Variants in NKIRAS1 observed in about 807,000 individuals in gnomAD.
The protein encoded by NKIRAS1 is NF-kappa-B inhibitor-interacting Ras-like protein 1.
In NKIRAS1, 16 loss-of-function variants were observed where a neutral mutation model predicts 19.8. The observed-to-expected ratio is 0.81, with a 90% confidence interval of 0.55 to 1.23. NKIRAS1 has a LOEUF of 1.23. Ranked by LOEUF, NKIRAS1 falls within the 50% of genes most tolerant of loss-of-function variation. The pLI, the probability that NKIRAS1 is intolerant of heterozygous loss-of-function variation, is 0.00. For synonymous variants in NKIRAS1, 88 were observed against 79.0 expected, an observed-to-expected ratio of 1.11 and a Z score of -0.61; for missense variants, 184 against 220.0, an observed-to-expected ratio of 0.84 and a Z score of 1.04.
intron 4 of NKIRAS1, among the ~76,000 whole-genome samples, chr3:23,895,632 G>C (rs1435405882): frequency 6.6e-6 from 1 of 152,078 alleles, no homozygotes; most frequent in South Asian, 2.1e-4. Context: ...AATATGGCTG[G>C]AGAAAAACAT....
At chr3:23,905,133 G>A (rs780129823) in intron 3 of NKIRAS1, among the ~76,000 whole-genome samples, 38 of 152,242 alleles carry the variant, frequency 2.5e-4, no homozygotes, top group Non-Finnish European at 5.0e-4. Flanking sequence ...CTGGCCTGAT[G>A]TGTCTTACAA....
chr3:23,926,279 T>C lies in NKIRAS1; in HGVS notation c.-139-14829A>G, dbSNP rs535022856. ...GTTGGCCAGGCTGGTCTCAAACGCC[T>C]GACCTTAGGTGATCCACCTGCCTTG... is the stretch of plus-strand genomic sequence containing the variant. On this transcript the variant is annotated intron_variant, in intron 1 of 4. Coordinates refer to the NKIRAS1 transcript ENST00000421515. The surrounding 1 kb of genome is among the most constrained non-coding windows in gnomAD (Gnocchi z 4.3). Among the ~76,000 whole-genome samples, 40 of 152,320 alleles carry C rather than the reference T, an allele frequency of 2.6e-4. No individual in the cohort carries two copies. Among genetic ancestry groups the C allele is most frequent in the African/African-American group, 9.1e-4 (38 of 41,574 alleles).
At position 23,902,781 on chromosome 3, in the gene NKIRAS1, T is replaced by G. The variant is rs1702646656; in HGVS notation, c.95-1732A>C. Among the ~76,000 whole-genome samples, 6 of 152,170 alleles carry G rather than the reference T, an allele frequency of 3.9e-5. No homozygotes were observed. The South Asian group carries it at 1.2e-3, about 32-fold the overall frequency. ...CAGGGGAAGGCTTAAGGGTGCAATC[T>G]CTGGGGAGTATAAAATAGAGGCTGT... On this transcript the variant is annotated intron_variant, in intron 3 of 4. Transcript: ENST00000425478.
rs1701598567 is a variant in NKIRAS1, at chr3:23,893,130, TC to T, written c.543del (p.Arg182GlyfsTer15). 1 of 1,585,404 alleles carries T rather than the reference TC, an allele frequency of 6.3e-7. No individual in the cohort carries two copies. Among genetic ancestry groups the T allele is most frequent in the Admixed American group, 1.9e-5 (1 of 53,202 alleles). ...GAATTAGAGTTCCCTTTGTTTTTCC[TC>T]CCAGGCAAAGGAAAGCTTGATTTGC... Reference protein sequence around the residue: ...PQSKSSFPLPGRKNKGNSNSE... With the variant: ...PQSKSSFPLPXRKNKGNSNSE... On this transcript the variant is annotated frameshift_variant, in exon 5 of 5. Coordinates refer to ENST00000425478, the MANE Select transcript of NKIRAS1 (RefSeq NM_020345.4). LOFTEE classifies it high-confidence loss of function.
chr3:23,930,462 C>A (rs35817067), intron 1 of NKIRAS1, among the ~76,000 whole-genome samples: 94,612 of 150,466 alleles, frequency 0.63, 29,823 homozygotes, highest in Middle Eastern at 0.72. Flanking sequence ...GATAAATAAG[C>A]CGCCAAAAAA....
At chr3:23,933,495 C>G (rs936374134) in intron 1 of NKIRAS1, among the ~76,000 whole-genome samples, 7 of 152,218 alleles carry the variant, frequency 4.6e-5, no homozygotes, top group African/African-American at 1.7e-4. Context: ...AATGCACAGA[C>G]AGCAAAGAAT....
At chr3:23,945,537 C>T in intron 1 of NKIRAS1, 1 of 1,133,850 alleles carries the variant, frequency 8.8e-7, no homozygotes, top group African/African-American at 1.7e-5. Flanking sequence ...GCTGCCCCCT[C>T]TGCGGGAAGC....
At chr3:23,925,102 G>A (rs907541466) in intron 1 of NKIRAS1, among the ~76,000 whole-genome samples, 150 of 152,312 alleles carry the variant, frequency 9.8e-4, no homozygotes, top group African/African-American at 3.5e-3. Flanking sequence ...GGGTGGGGAA[G>A]TGATATCTTC....
chr3:23,903,378 G>A (rs1457336665), intron 3 of NKIRAS1, among the ~76,000 whole-genome samples: 1 of 152,160 alleles, frequency 6.6e-6, no homozygotes, highest in Non-Finnish European at 1.5e-5. Flanking sequence ...GCCTCCCAAA[G>A]TGCTAGGATT....
At chr3:23,906,920 G>C (rs1703121274) in intron 3 of NKIRAS1, among the ~76,000 whole-genome samples, 1 of 151,726 alleles carries the variant, frequency 6.6e-6, no homozygotes, top group Admixed American at 6.6e-5. Context: ...TTTTGATACA[G>C]TCTCGCTCTG....
At chr3:23,946,552 T>C (rs1313727977) in exon 1 of NKIRAS1, 3 of 152,422 alleles carry the variant, frequency 2.0e-5, no homozygotes, top group Non-Finnish European at 4.4e-5. Context: ...ACACACACAG[T>C]CTTAAAAACT....
intron 1 of NKIRAS1, among the ~76,000 whole-genome samples, chr3:23,945,846 G>A (rs1169917532): frequency 6.6e-6 from 1 of 150,756 alleles, no homozygotes; most frequent in Non-Finnish European, 1.5e-5. Context: ...ACATGGCCCG[G>A]CCGCGCGAGC....
chr3:23,909,864 GT>G (rs201671440), intron 3 of NKIRAS1, among the ~76,000 whole-genome samples: 45,705 of 135,170 alleles, frequency 0.34, 6,725 homozygotes, highest in Middle Eastern at 0.5. Flanking sequence ...GTTTTTTTTT[GT>G]TTTTTTTTTT....
rs1234421814 is a variant in NKIRAS1 at position 23,890,475 on chromosome 3, T to C, written c.*2620A>G. The C allele has an allele frequency of 1.9e-6, 3 of 1,594,884 alleles. No homozygotes were observed. Among genetic ancestry groups the C allele is most frequent in the East Asian group, 2.3e-5 (1 of 44,104 alleles). On this transcript the variant is annotated 3_prime_UTR_variant, in exon 5 of 5. Coordinates refer to ENST00000425478, the MANE Select transcript of NKIRAS1 (RefSeq NM_020345.4). ...GCTAAAGTTTAAAATGTTCTTTTCC[T>C]TTCTCCAAAGTAATCTACATTCTTT... is the stretch of plus-strand genomic sequence containing the variant.
chr3:23,890,394 G>C lies in NKIRAS1; in HGVS notation c.*2701C>G. On this transcript the variant is annotated 3_prime_UTR_variant, in exon 5 of 5. Transcript: ENST00000425478. The stretch of plus-strand genomic sequence containing the variant: ...CAGCATGGTGGAGTGGTGTTTCGAA[G>C]ATGGGTTTGATCACACATACTTTGT... The C allele has an allele frequency of 3.4e-6, 3 of 872,978 alleles. No individual in the cohort carries two copies. The highest frequency in any genetic ancestry group is 5.1e-6 in the Non-Finnish European group (3 of 586,096). The allele number at this position is 872,978 out of a possible 1,614,324, so 54.1% of individuals were successfully genotyped here. A position where few individuals can be genotyped will look rare whatever the true frequency, so the allele number is the denominator to read the frequency against.
intron 4 of NKIRAS1, among the ~76,000 whole-genome samples, chr3:23,895,151 C>T (rs764286044): frequency 3.3e-5 from 5 of 152,074 alleles, no homozygotes; most frequent in Non-Finnish European, 7.4e-5. Context: ...CTCAAGCGAT[C>T]GTGATCCTCC....
chr3:23,940,585 G>C (rs1335234277), intron 1 of NKIRAS1, among the ~76,000 whole-genome samples: 2 of 152,084 alleles, frequency 1.3e-5, no homozygotes, highest in African/African-American at 4.8e-5. Flanking sequence ...ATGCACAGAT[G>C]TAATAGTGGA....
upstream of NKIRAS1, chr3:23,920,793 A>G (rs939804242): frequency 5.2e-6 from 5 of 961,098 alleles, no homozygotes; most frequent in Non-Finnish European, 6.2e-6. Flanking sequence ...CATACATTTT[A>G]ATTGTGTAGA....
intron 3 of NKIRAS1, among the ~76,000 whole-genome samples, chr3:23,908,875 G>C (rs1054927315): frequency 1.6e-5 from 2 of 126,132 alleles, no homozygotes; most frequent in African/African-American, 5.9e-5. Flanking sequence ...TTTTCATTTT[G>C]TTTTGTTTTT....
Sources: gnomAD v4.1 joint callset for allele counts (sites outside exome capture counted in the v4.1 genomes callset) on GRCh38, gnomAD v4.1.1 for gene constraint, Gnocchi (gnomAD v3.1) non-coding constraint, MANE v1.5 for transcripts, NCBI Gene and HGNC (gene_info 2026-07-23, HGNC 2026-07-21) for gene names.